Variants in ATIC observed in about 807,000 individuals in gnomAD.
ATIC encodes bifunctional purine biosynthesis protein ATIC.
Under a neutral mutation model 72.5 loss-of-function variants are expected in ATIC, and 64 were observed. That is an observed-to-expected ratio of 0.88 (90% CI 0.72 to 1.09). The LOEUF (loss-of-function observed/expected upper bound fraction) is 1.09. Ranked by LOEUF, ATIC falls within the 50% of genes least tolerant of loss-of-function variation. ATIC has a pLI of 0.00. For missense variants in ATIC, 787 were observed against 732.4 expected (o/e 1.07, Z -0.86); for synonymous variants, 281 against 267.1 (o/e 1.05, Z -0.51).
intron 4 of ATIC, among the ~76,000 whole-genome samples, chr2:215,322,282 C>T (rs2052776201): frequency 6.6e-6 from 1 of 151,440 alleles, no homozygotes; most frequent in African/African-American, 2.4e-5. Flanking sequence ...GTCTAAGAAA[C>T]CATTGCCTAA....
At chr2:215,314,344 A>G (rs1036784962) in intron 2 of ATIC, among the ~76,000 whole-genome samples, 1 of 152,210 alleles carries the variant, frequency 6.6e-6, no homozygotes, top group African/African-American at 2.4e-5. Flanking sequence ...TATTTTATTC[A>G]GTTGCAGTGG....
At chr2:215,326,235 C>A in intron 6 of ATIC, 97 bp downstream of exon 6, 1 of 1,454,166 alleles carries the variant, frequency 6.9e-7, no homozygotes, top group Non-Finnish European at 9.6e-7. Flanking sequence ...GCATTACCTA[C>A]CAAAGCTTTG....
intron 2 of ATIC, among the ~76,000 whole-genome samples, chr2:215,314,254 A>G (rs1382702995): frequency 6.6e-6 from 1 of 152,346 alleles, no homozygotes; most frequent in East Asian, 1.9e-4. Flanking sequence ...ACCCCAGCAC[A>G]GTAAAGTTCA....
intron 12 of ATIC, among the ~76,000 whole-genome samples, chr2:215,341,951 G>A (rs951165210): frequency 6.6e-6 from 1 of 152,148 alleles, no homozygotes; most frequent in Non-Finnish European, 1.5e-5. Context: ...ATGGCAGAAG[G>A]CACCTCTTCA....
the ATIC span, among the ~76,000 whole-genome samples, chr2:215,363,985 T>C: frequency 1.3e-5 from 2 of 152,178 alleles, no homozygotes; most frequent in African/African-American, 2.4e-5. Context: ...CTCCTTTCTA[T>C]CCCAGGGGGT....
At chr2:215,312,471 C>A in intron 1 of ATIC, 27 bp from the exon 2 acceptor site, 1 of 1,614,168 alleles carries the variant, frequency 6.2e-7, no homozygotes, top group South Asian at 1.1e-5. Context: ...TGCTGCGAAT[C>A]ATGAGAAAAA....
intron 4 of ATIC, among the ~76,000 whole-genome samples, chr2:215,320,919 G>C (rs1201627253): frequency 3.3e-5 from 5 of 152,088 alleles, no homozygotes; most frequent in African/African-American, 1.2e-4. Flanking sequence ...CATGAACTCA[G>C]AGTGAGGACT....
rs778968960 is a variant in ATIC at position 215,346,852 on chromosome 2, C to T, written c.1414C>T (p.Gln472Ter). Residue 472 changes from glutamine to a stop codon, truncating the protein, a stop_gained, in exon 14 of 16, where the codon CAA (glutamine) becomes TAA (stop). Coordinates refer to ENST00000236959, the MANE Select transcript of ATIC (RefSeq NM_004044.7). LOFTEE classifies it high-confidence loss of function. The stretch of plus-strand genomic sequence containing the variant: ...CTATTGGTGGCTTAGACACCATCCA[C>T]AAGTGCTTTCGATGAAGTTTAAAAC... The part of the protein sequence containing the change: ...ANYWWLRHHP[Q>*]VLSMKFKTGV... 1.5e-5 allele frequency: 25 copies of T among 1,614,190 alleles called. No homozygotes were observed. Among genetic ancestry groups the T allele is most frequent in the Non-Finnish European group, 2.1e-5 (25 of 1,180,030 alleles).
At chr2:215,353,801 A>T (rs536137571), downstream of ATIC, among the ~76,000 whole-genome samples, 2 of 152,216 alleles carry the variant, frequency 1.3e-5, no homozygotes, top group African/African-American at 4.8e-5. Context: ...ACCTCAAGTG[A>T]TCTGCCCGCC....
the ATIC span, chr2:215,361,525 A>G: frequency 6.8e-7 from 1 of 1,478,672 alleles, no homozygotes; most frequent in Non-Finnish European, 9.5e-7. Context: ...GCAGAGAGAC[A>G]TGCTTGTTCC....
intron 7 of ATIC, among the ~76,000 whole-genome samples, chr2:215,331,320 A>G (rs1054993853): frequency 5.9e-5 from 9 of 151,668 alleles, no homozygotes; most frequent in African/African-American, 2.2e-4. Context: ...ATATTTGGCA[A>G]GGTCTTTAAA....
At chr2:215,344,919 A>G in intron 13 of ATIC, 48 bp downstream of exon 13, 2 of 1,549,796 alleles carry the variant, frequency 1.3e-6, no homozygotes, top group African/African-American at 1.4e-5. Flanking sequence ...GTTTTACGAA[A>G]TGATATTTAA....
the ATIC span, chr2:215,362,731 G>C: frequency 1.3e-5 from 2 of 153,754 alleles, no homozygotes; most frequent in African/African-American, 2.4e-5. Context: ...GCTCCTGCCT[G>C]AAGTTTTTAC....
intron 7 of ATIC, among the ~76,000 whole-genome samples, chr2:215,327,789 A>G (rs1416778016): frequency 6.6e-6 from 1 of 152,012 alleles, no homozygotes; most frequent in Non-Finnish European, 1.5e-5. Flanking sequence ...CCCTGTCATC[A>G]GCTGAGAGAG....
At chr2:215,315,677 G>A (rs146255052) in intron 2 of ATIC, among the ~76,000 whole-genome samples, 2,560 of 152,254 alleles carry the variant, frequency 0.017, 75 homozygotes, top group African/African-American at 0.059. Flanking sequence ...CTGGCTGGGC[G>A]CAGTGGCTCA....
chr2:215,316,746 G>T (rs2052713960), intron 2 of ATIC, among the ~76,000 whole-genome samples: 1 of 152,084 alleles, frequency 6.6e-6, no homozygotes, highest in Admixed American at 6.6e-5. Flanking sequence ...TTTGCTTCCT[G>T]CTTTATTTAT....
intron 7 of ATIC, among the ~76,000 whole-genome samples, chr2:215,327,960 C>G (rs1485384542): frequency 1.3e-5 from 2 of 151,076 alleles, no homozygotes; most frequent in Admixed American, 1.3e-4. Context: ...TGCAGTGGCG[C>G]AATCTCTGGT....
chr2:215,319,763 T>C, intron 4 of ATIC, 32 bp downstream of exon 4: 1 of 1,538,404 alleles, frequency 6.5e-7, no homozygotes, highest in East Asian at 2.2e-5. Context: ...TTTAACACAT[T>C]ACGAACCAAC....
At chr2:215,326,236 C>A in intron 6 of ATIC, 98 bp downstream of exon 6, 3 of 1,436,162 alleles carry the variant, frequency 2.1e-6, no homozygotes, top group Non-Finnish European at 2.9e-6. Context: ...CATTACCTAC[C>A]AAAGCTTTGC....
Sources: allele counts gnomAD v4.1 joint callset (sites outside exome capture counted in the v4.1 genomes callset), GRCh38; gene constraint gnomAD v4.1.1; transcripts MANE v1.5; gene names NCBI Gene and HGNC (gene_info 2026-07-23, HGNC 2026-07-21).